The following PLPPR1 variants were observed in gnomAD, a reference collection of about 807,000 sequenced individuals.
PLPPR1 encodes the protein phospholipid phosphatase related 1.
Under a neutral mutation model 33.1 loss-of-function variants are expected in PLPPR1, and 10 were observed. The observed-to-expected ratio is 0.30, with a 90% CI of 0.19 to 0.51. PLPPR1 has a LOEUF of 0.51. Among genes scored for constraint, PLPPR1 ranks in the 20% least tolerant of loss-of-function variants. The pLI is 0.97. For missense variants in PLPPR1, 304 were observed against 408.1 expected (o/e 0.74, Z 2.20); for synonymous variants, 151 against 151.0 (o/e 1.00, Z 0.00).
At chr9:101,268,484 G>C (rs1245087406) in intron 2 of PLPPR1, among the ~76,000 whole-genome samples, 1 of 152,108 alleles carries the variant, frequency 6.6e-6, no homozygotes, top group African/African-American at 2.4e-5. Context: ...CTCTGTGCTA[G>C]AGTTTAGCTA....
Position 101,130,719 on chromosome 9 carries a change from T to A in PLPPR1, c.-45-54731T>A, listed in dbSNP as rs1275558841. On this transcript the variant is annotated intron_variant, in intron 1 of 7. Transcript: ENST00000374874. ...ACTTCTGGGCGCTTATCTTCTCCAT[T>A]CTCCATCACTTGTGCTAAGCTGAGT... Among the ~76,000 whole-genome samples the A allele has an allele frequency of 2.6e-5, 4 of 152,182 alleles. No homozygotes were observed. The East Asian group carries it at 7.7e-4, about 29-fold the overall frequency.
chr9:101,243,199 A>G (rs2118851633), intron 2 of PLPPR1, among the ~76,000 whole-genome samples: 1 of 152,192 alleles, frequency 6.6e-6, no homozygotes, highest in South Asian at 2.1e-4. Context: ...TTGGAAAGGT[A>G]GAGAGGACCC....
chr9:101,210,067 A>ATGTT (rs1398046479), intron 2 of PLPPR1, among the ~76,000 whole-genome samples: 9 of 152,208 alleles, frequency 5.9e-5, no homozygotes, highest in Non-Finnish European at 8.8e-5. Flanking sequence ...ATAAAACCAA[A>ATGTT]TGTTACATAC....
intron 1 of PLPPR1, among the ~76,000 whole-genome samples, chr9:101,113,621 A>G (rs1831083887): frequency 7.5e-6 from 1 of 133,724 alleles, no homozygotes. Flanking sequence ...TTAAGAAAGA[A>G]CAGAAAAAAC....
At chr9:101,235,211 T>C (rs1827275432) in intron 2 of PLPPR1, among the ~76,000 whole-genome samples, 3 of 151,882 alleles carry the variant, frequency 2.0e-5, no homozygotes, top group Admixed American at 6.6e-5. Context: ...TTTTACTTTT[T>C]CCCCCGATTC....
chr9:101,152,229 A>G (rs1461286368), intron 1 of PLPPR1, among the ~76,000 whole-genome samples: 3 of 152,122 alleles, frequency 2.0e-5, no homozygotes, highest in Non-Finnish European at 2.9e-5. Flanking sequence ...TCCTTTGCCC[A>G]CTTTTCGCTG....
chr9:101,171,897 G>C (rs1825947742), intron 1 of PLPPR1, among the ~76,000 whole-genome samples: 1 of 152,166 alleles, frequency 6.6e-6, no homozygotes, highest in Admixed American at 6.6e-5. Flanking sequence ...TATTTAACCT[G>C]TGTCAAAGAT....
intron 3 of PLPPR1, among the ~76,000 whole-genome samples, chr9:101,285,902 AC>A (rs1426931207): frequency 6.6e-6 from 1 of 152,114 alleles, no homozygotes; most frequent in Non-Finnish European, 1.5e-5. Flanking sequence ...ATAGGCTGAA[AC>A]TCTATCTGAA....
chr9:101,076,028 G>A (rs577907004), intron 1 of PLPPR1, among the ~76,000 whole-genome samples: 2 of 152,280 alleles, frequency 1.3e-5, no homozygotes, highest in African/African-American at 4.8e-5. Context: ...GTCAGATGAA[G>A]CTGGAGATTG....
At chr9:101,238,952 C>CT (rs34407063) in intron 2 of PLPPR1, among the ~76,000 whole-genome samples, 4,078 of 141,856 alleles carry the variant, frequency 0.029, 145 homozygotes, top group African/African-American at 0.086. Flanking sequence ...TATGAGCTCA[C>CT]TTTTTTTTTT....
intron 1 of PLPPR1, among the ~76,000 whole-genome samples, chr9:101,094,952 C>A (rs918789354): frequency 6.6e-6 from 1 of 152,184 alleles, no homozygotes; most frequent in East Asian, 1.9e-4. Flanking sequence ...ATCCTCTTCC[C>A]TAGTGCCTGG....
At chr9:101,164,150 T>C (rs1239371163) in intron 1 of PLPPR1, among the ~76,000 whole-genome samples, 1 of 152,172 alleles carries the variant, frequency 6.6e-6, no homozygotes, top group Non-Finnish European at 1.5e-5. Context: ...AAGAAGTTGA[T>C]GTGGTGACTA....
chr9:101,304,655 T>C (rs1365261733), intron 4 of PLPPR1, among the ~76,000 whole-genome samples: 1 of 152,212 alleles, frequency 6.6e-6, no homozygotes, highest in East Asian at 1.9e-4. Flanking sequence ...GCAAGACCTA[T>C]GCATGCTCTA....
At chr9:101,136,541 G>A (rs1367126071) in intron 1 of PLPPR1, among the ~76,000 whole-genome samples, 1 of 152,054 alleles carries the variant, frequency 6.6e-6, no homozygotes, top group African/African-American at 2.4e-5. Flanking sequence ...ACCTTTACTT[G>A]TTACTATTGA....
intron 1 of PLPPR1, among the ~76,000 whole-genome samples, chr9:101,132,141 A>G (rs531124583): frequency 1.3e-5 from 2 of 152,244 alleles, no homozygotes; most frequent in African/African-American, 4.8e-5. Flanking sequence ...TAGTTTGGAA[A>G]CTGAGGGGGC....
chr9:101,217,369 CT>C (rs1826821581), intron 2 of PLPPR1, among the ~76,000 whole-genome samples: 1 of 152,166 alleles, frequency 6.6e-6, no homozygotes, highest in African/African-American at 2.4e-5. Flanking sequence ...GGTTAGCAAA[CT>C]TTTTTGGTAA....
intron 6 of PLPPR1, 147 bp downstream of exon 6, chr9:101,313,121 G>T: frequency 1.4e-6 from 1 of 735,698 alleles, no homozygotes; most frequent in Non-Finnish European, 2.2e-6. Flanking sequence ...ACATGCTTTT[G>T]CTACAAAAAT....
At chr9:101,128,716 G>A (rs1167360824) in intron 1 of PLPPR1, among the ~76,000 whole-genome samples, 1 of 152,126 alleles carries the variant, frequency 6.6e-6, no homozygotes, top group East Asian at 1.9e-4. Flanking sequence ...AACTTCTCTG[G>A]TGAGAGCTTT....
At chr9:101,278,463 T>G (rs1041691565) in intron 3 of PLPPR1, among the ~76,000 whole-genome samples, 1 of 152,146 alleles carries the variant, frequency 6.6e-6, no homozygotes, top group African/African-American at 2.4e-5. Context: ...AGTAACTGGT[T>G]GGAACACAAT....
Sources: gnomAD v4.1 joint callset for allele counts (sites outside exome capture counted in the v4.1 genomes callset) on GRCh38, gnomAD v4.1.1 for gene constraint, MANE v1.5 for transcripts, NCBI Gene and HGNC (gene_info 2026-07-23, HGNC 2026-07-21) for gene names.